Variants in ZNF704 observed in about 807,000 individuals in gnomAD.
ZNF704 encodes zinc finger protein 704, also known as glucocorticoid induced gene 1.
In ZNF704, 10 loss-of-function variants were observed where a neutral mutation model predicts 44.7. The observed-to-expected ratio is 0.22, with a 90% CI of 0.14 to 0.38. ZNF704 has a LOEUF of 0.38. Ranked by LOEUF, ZNF704 falls within the 10% of genes least tolerant of loss-of-function variation. ZNF704 has a pLI of 1.00. For synonymous variants in ZNF704, 211 were observed against 207.6 expected, an observed-to-expected ratio of 1.02 and a Z score of -0.14; for missense variants, 390 against 545.5, an observed-to-expected ratio of 0.71 and a Z score of 2.84.
intron 1 of ZNF704, among the ~76,000 whole-genome samples, chr8:80,865,468 C>T (rs1809139371): frequency 6.6e-6 from 1 of 152,114 alleles, no homozygotes; most frequent in Admixed American, 6.5e-5. Context: ...CCTGTTCTCT[C>T]CCATCTCACT....
chr8:80,651,842 A>G (rs1212774591), intron 7 of ZNF704, among the ~76,000 whole-genome samples: 1 of 152,144 alleles, frequency 6.6e-6, no homozygotes, highest in African/African-American at 2.4e-5. Flanking sequence ...AGAACTCTCC[A>G]CCCCAAATCA....
At chr8:80,690,060 TAA>T (rs376882889) in intron 3 of ZNF704, among the ~76,000 whole-genome samples, 10,790 of 137,174 alleles carry the variant, frequency 0.079, 1,255 homozygotes, top group African/African-American at 0.26. Context: ...CTTTTTTTCC[TAA>T]AAAAAAAAAA....
intron 1 of ZNF704, among the ~76,000 whole-genome samples, chr8:80,860,783 T>G (rs1456938939): frequency 6.6e-6 from 1 of 152,238 alleles, no homozygotes. Flanking sequence ...AAGACTTGCA[T>G]ACAATTATGA....
chr8:80,650,102 C>A (rs1278359346), intron 7 of ZNF704, among the ~76,000 whole-genome samples: 1 of 152,202 alleles, frequency 6.6e-6, no homozygotes, highest in Admixed American at 6.5e-5. Context: ...AGCTGAGGGT[C>A]CTGACTGTTA....
At chr8:80,651,678 A>T (rs960020600) in intron 7 of ZNF704, among the ~76,000 whole-genome samples, 1 of 152,184 alleles carries the variant, frequency 6.6e-6, no homozygotes, top group African/African-American at 2.4e-5. Flanking sequence ...AAGTCCTTAG[A>T]GACCTACAAA....
intron 5 of ZNF704, among the ~76,000 whole-genome samples, chr8:80,666,674 G>T (rs1585935886): frequency 6.6e-6 from 1 of 152,016 alleles, no homozygotes; most frequent in Non-Finnish European, 1.5e-5. Context: ...GTGTGAGATG[G>T]TATCTCATTG....
intron 2 of ZNF704, among the ~76,000 whole-genome samples, chr8:80,722,005 G>C (rs1053022723): frequency 7.9e-5 from 12 of 152,184 alleles, no homozygotes; most frequent in African/African-American, 2.7e-4. Flanking sequence ...GGGAGGCAGA[G>C]GTAGAAGGAT....
chr8:80,757,129 C>T (rs1295080239), intron 2 of ZNF704, among the ~76,000 whole-genome samples: 2 of 152,172 alleles, frequency 1.3e-5, no homozygotes, highest in Non-Finnish European at 2.9e-5. Flanking sequence ...CATAAAACAG[C>T]CTGAGGCAGG....
chr8:80,765,307 C>G (rs1807209969), intron 2 of ZNF704, among the ~76,000 whole-genome samples: 1 of 152,160 alleles, frequency 6.6e-6, no homozygotes, highest in African/African-American at 2.4e-5. Context: ...AGGGCAGATC[C>G]TCCCCACCTG....
chr8:80,827,847 G>A (rs1808405901), intron 1 of ZNF704, among the ~76,000 whole-genome samples: 1 of 152,210 alleles, frequency 6.6e-6, no homozygotes, highest in Non-Finnish European at 1.5e-5. Context: ...AGTAAATGGT[G>A]CTGGGAAAAC....
chr8:80,696,043 G>A (rs1818719595), intron 2 of ZNF704, among the ~76,000 whole-genome samples: 1 of 152,022 alleles, frequency 6.6e-6, no homozygotes, highest in Non-Finnish European at 1.5e-5. Context: ...ATTTCTTTTG[G>A]TACACTACTA....
chr8:80,821,244 G>GA, intron 2 of ZNF704, 130 bp downstream of exon 2: 1 of 978,504 alleles, frequency 1.0e-6, no homozygotes, highest in Non-Finnish European at 1.6e-6. Context: ...ACAAGCAATA[G>GA]AAAAAATTTC....
chr8:80,641,494 G>T lies in ZNF704; in HGVS notation c.1128-17C>A, dbSNP rs1162366065. On this transcript the variant is annotated splice_polypyrimidine_tract_variant and intron_variant, in intron 8 of 8. Coordinates refer to ENST00000327835, the MANE Select transcript of ZNF704 (RefSeq NM_001033723.3). The stretch of plus-strand genomic sequence containing the variant: ...CTGGGCTTCCTGTAAGACAGACGAG[G>T]AAGGTTAGTTTAGTGGGAGGAATTC... 1.9e-6 allele frequency: 3 copies of T among 1,578,210 alleles called. No individual in the cohort carries two copies. The South Asian group carries it at 3.4e-5, about 18-fold the overall frequency.
At chr8:80,866,580 G>C (rs1274521265) in intron 1 of ZNF704, among the ~76,000 whole-genome samples, 1 of 152,196 alleles carries the variant, frequency 6.6e-6, no homozygotes, top group Non-Finnish European at 1.5e-5. Flanking sequence ...GCAACTAAAA[G>C]TCAAGTTTGC....
chr8:80,651,397 T>A (rs1817916933), intron 7 of ZNF704, among the ~76,000 whole-genome samples: 1 of 152,150 alleles, frequency 6.6e-6, no homozygotes, highest in Non-Finnish European at 1.5e-5. Flanking sequence ...TCAAGACCCA[T>A]CAGTGTGCTG....
chr8:80,789,782 CAT>C (rs141012838), intron 2 of ZNF704, among the ~76,000 whole-genome samples: 1,846 of 152,140 alleles, frequency 0.012, 42 homozygotes, highest in African/African-American at 0.042. Context: ...AAAAATAACA[CAT>C]GATTCAACTT....
intron 2 of ZNF704, among the ~76,000 whole-genome samples, chr8:80,764,850 A>G (rs974712400): frequency 2.0e-5 from 3 of 152,220 alleles, no homozygotes; most frequent in African/African-American, 7.2e-5. Context: ...ACATTTTGTT[A>G]TAAGAAATAC....
chr8:80,722,818 T>C (rs1467715734), intron 2 of ZNF704, among the ~76,000 whole-genome samples: 1 of 152,100 alleles, frequency 6.6e-6, no homozygotes, highest in Non-Finnish European at 1.5e-5. Context: ...CAAACCACTC[T>C]CTCCCACTTT....
intron 2 of ZNF704, among the ~76,000 whole-genome samples, chr8:80,787,756 T>C (rs1293769744): frequency 6.6e-6 from 1 of 152,176 alleles, no homozygotes; most frequent in Admixed American, 6.6e-5. Flanking sequence ...AAAACTAAGT[T>C]AGGTTATCAG....
Sources: gnomAD v4.1 joint callset for allele counts (sites outside exome capture counted in the v4.1 genomes callset) on GRCh38, gnomAD v4.1.1 for gene constraint, MANE v1.5 for transcripts, NCBI Gene and HGNC (gene_info 2026-07-23, HGNC 2026-07-21) for gene names.